RANBP2: variants seen among roughly 807,000 people sequenced by gnomAD.
RANBP2 encodes RAN binding protein 2, also known as E3 SUMO-protein ligase RanBP2.
RANBP2 carries 57 observed loss-of-function variants against 303.6 expected under a neutral mutation model. That is an observed-to-expected ratio of 0.19 (90% CI 0.15 to 0.23). RANBP2 has a LOEUF of 0.23. Ranked by LOEUF, RANBP2 falls within the 10% of genes least tolerant of loss-of-function variation. The probability of loss-of-function intolerance (pLI) is 1.00; values close to 1 mark genes in which losing one functional copy is unlikely to be tolerated. For missense variants in RANBP2, 3,138 were observed against 3,780.8 expected, an observed-to-expected ratio of 0.83 and a Z score of 4.46; for synonymous variants, 1,167 against 1,301.5, an observed-to-expected ratio of 0.90 and a Z score of 2.23.
the RANBP2 span, among the ~76,000 whole-genome samples, chr2:109,212,536 G>A: frequency 3.9e-5 from 6 of 152,210 alleles, no homozygotes; most frequent in Non-Finnish European, 8.8e-5. Context: ...GCTTTGCCCA[G>A]CTGGCTGGAG....
chr2:109,713,149 C>T, the RANBP2 span, among the ~76,000 whole-genome samples: 146 of 152,262 alleles, frequency 9.6e-4, 1 homozygote, highest in African/African-American at 3.2e-3. Context: ...ACATTCAGAC[C>T]GCTTTTCCTC....
the RANBP2 span, among the ~76,000 whole-genome samples, chr2:109,224,283 T>C: frequency 6.6e-6 from 1 of 152,228 alleles, no homozygotes; most frequent in African/African-American, 2.4e-5. Flanking sequence ...ATAAGACTTG[T>C]TTGGTATTAT....
At chr2:109,055,366 C>CT in the RANBP2 span, among the ~76,000 whole-genome samples, 116,492 of 133,404 alleles carry the variant, frequency 0.87, 51,576 homozygotes, top group South Asian at 0.95. Context: ...TTTTTCTTTT[C>CT]TTTTTTTTTT....
chr2:108,934,145 G>GAGAAA, the RANBP2 span, among the ~76,000 whole-genome samples: 1 of 152,170 alleles, frequency 6.6e-6, no homozygotes, highest in Non-Finnish European at 1.5e-5. Context: ...CCCAAGCAGA[G>GAGAAA]AGAAAAGAAA....
chr2:109,618,819 G>T, the RANBP2 span: 1 of 166,964 alleles, frequency 6.0e-6, no homozygotes. Context: ...CACTTTCATG[G>T]TATATAAAAT....
the RANBP2 span, among the ~76,000 whole-genome samples, chr2:109,404,706 C>T: frequency 2.0e-5 from 3 of 152,094 alleles, no homozygotes; most frequent in African/African-American, 7.2e-5. Flanking sequence ...GCGGAAGGCC[C>T]ATTCTCATTC....
At chr2:109,682,313 C>G in the RANBP2 span, among the ~76,000 whole-genome samples, 1 of 152,130 alleles carries the variant, frequency 6.6e-6, no homozygotes, top group Non-Finnish European at 1.5e-5. Context: ...TAAGTATTTC[C>G]TAACTATTGC....
the RANBP2 span, among the ~76,000 whole-genome samples, chr2:109,676,889 A>G: frequency 6.6e-6 from 1 of 152,148 alleles, no homozygotes; most frequent in Admixed American, 6.5e-5. Flanking sequence ...CTATGTCTAG[A>G]TACGGCACCA....
the RANBP2 span, among the ~76,000 whole-genome samples, chr2:109,351,457 T>C: frequency 5.9e-5 from 9 of 152,376 alleles, no homozygotes; most frequent in African/African-American, 1.9e-4. Flanking sequence ...TACTCCATTG[T>C]TTGAGCAGCT....
At chr2:109,183,394 G>A in the RANBP2 span, among the ~76,000 whole-genome samples, 1 of 152,144 alleles carries the variant, frequency 6.6e-6, no homozygotes, top group Non-Finnish European at 1.5e-5. Flanking sequence ...CTTGCTGCTG[G>A]GTGATTTTGG....
chr2:108,979,965 A>C, the RANBP2 span, among the ~76,000 whole-genome samples: 1 of 149,502 alleles, frequency 6.7e-6, no homozygotes, highest in South Asian at 2.1e-4. Flanking sequence ...TGTGCAAGTG[A>C]GTCTCCTGGC....
the RANBP2 span, among the ~76,000 whole-genome samples, chr2:109,771,487 C>T: frequency 6.1e-5 from 6 of 98,984 alleles, 1 homozygote; most frequent in South Asian, 3.8e-4. Flanking sequence ...GACAGCTCAG[C>T]GGGTAACACC....
the RANBP2 span, among the ~76,000 whole-genome samples, chr2:109,077,243 A>G: frequency 2.0e-4 from 30 of 150,830 alleles, no homozygotes; most frequent in Admixed American, 9.2e-4. Context: ...CTCAAAATGG[A>G]TTAAAAACTT....
chr2:109,004,030 T>G, the RANBP2 span, among the ~76,000 whole-genome samples: 1 of 152,182 alleles, frequency 6.6e-6, no homozygotes, highest in Admixed American at 6.5e-5. Flanking sequence ...GTGAAGCACT[T>G]TAAGGACAAA....
At chr2:108,818,780 CA>C in the RANBP2 span, among the ~76,000 whole-genome samples, 1 of 151,150 alleles carries the variant, frequency 6.6e-6, no homozygotes, top group Non-Finnish European at 1.5e-5. Flanking sequence ...AATATTTTAG[CA>C]AAGTAATCTC....
chr2:108,732,252 A>T (rs1385701650), intron 4 of RANBP2, among the ~76,000 whole-genome samples: 1 of 152,130 alleles, frequency 6.6e-6, no homozygotes, highest in Non-Finnish European at 1.5e-5. Flanking sequence ...AGTTGCAAAG[A>T]TTGTACAGAA....
the RANBP2 span, among the ~76,000 whole-genome samples, chr2:108,943,649 C>T: frequency 5.9e-5 from 9 of 152,166 alleles, no homozygotes; most frequent in East Asian, 1.9e-4. Flanking sequence ...GAAGACTCCG[C>T]GTATTTTCCG....
the RANBP2 span, chr2:109,593,207 G>T: frequency 4.9e-6 from 4 of 809,504 alleles, no homozygotes; most frequent in Non-Finnish European, 7.5e-6. Context: ...CATGAATAAG[G>T]TGTTATAATA....
the RANBP2 span, among the ~76,000 whole-genome samples, chr2:109,393,850 T>G: frequency 2.0e-5 from 3 of 151,798 alleles, no homozygotes; most frequent in Non-Finnish European, 2.9e-5. Context: ...CTGTCCTCCC[T>G]CATGACTGGC....
Sources: gnomAD v4.1 joint callset for allele counts (sites outside exome capture counted in the v4.1 genomes callset) on GRCh38, gnomAD v4.1.1 for gene constraint, MANE v1.5 for transcripts, NCBI Gene and HGNC (gene_info 2026-07-23, HGNC 2026-07-21) for gene names.